PRKCH: variants seen among roughly 807,000 people sequenced by gnomAD.
The protein encoded by PRKCH is protein kinase C eta type.
Under a neutral mutation model 82.5 loss-of-function variants are expected in PRKCH, and 28 were observed. The observed-to-expected ratio is 0.34, with a 90% CI of 0.25 to 0.47. The LOEUF (loss-of-function observed/expected upper bound fraction) is 0.47. Ranked by LOEUF, PRKCH falls within the 20% of genes least tolerant of loss-of-function variation. PRKCH has a pLI of 1.00. For missense variants in PRKCH, 705 were observed against 881.8 expected (o/e 0.80, Z 2.54); for synonymous variants, 322 against 327.4 (o/e 0.98, Z 0.18).
intron 10 of PRKCH, among the ~76,000 whole-genome samples, chr14:61,506,402 A>AG (rs1339557431): frequency 6.6e-6 from 1 of 152,082 alleles, no homozygotes; most frequent in South Asian, 2.1e-4. Context: ...GATTGAAGTC[A>AG]GGGGGGTGGG....
intron 1 of PRKCH, among the ~76,000 whole-genome samples, chr14:61,259,384 A>G (rs185075750): frequency 1.6e-3 from 249 of 152,280 alleles, no homozygotes; most frequent in Admixed American, 4.7e-3. Context: ...CTTCATTCAC[A>G]CTGACTGACT....
At chr14:61,437,594 TTC>T (rs1883737277) in intron 2 of PRKCH, among the ~76,000 whole-genome samples, 2 of 152,220 alleles carry the variant, frequency 1.3e-5, no homozygotes, top group Admixed American at 6.5e-5. Context: ...TCCTGTTAGT[TTC>T]TGTTTCCTCA....
chr14:61,437,439 T>A (rs927434275), intron 2 of PRKCH, among the ~76,000 whole-genome samples: 3 of 152,208 alleles, frequency 2.0e-5, no homozygotes, highest in Non-Finnish European at 4.4e-5. Context: ...CTCACAGTTG[T>A]TTTCTCCCAC....
intron 9 of PRKCH, among the ~76,000 whole-genome samples, chr14:61,462,604 T>C (rs534259714): frequency 6.6e-6 from 1 of 152,304 alleles, no homozygotes; most frequent in East Asian, 1.9e-4. Flanking sequence ...AAACTAACTA[T>C]AAAGAACAGA....
chr14:61,374,714 G>T (rs1274838589), intron 1 of PRKCH, among the ~76,000 whole-genome samples: 1 of 152,008 alleles, frequency 6.6e-6, no homozygotes, highest in Non-Finnish European at 1.5e-5. Flanking sequence ...CAGGTCTCAA[G>T]GCTGTACAGA....
intron 10 of PRKCH, among the ~76,000 whole-genome samples, chr14:61,493,245 C>T (rs1036539711): frequency 6.6e-6 from 1 of 152,232 alleles, no homozygotes; most frequent in Non-Finnish European, 1.5e-5. Flanking sequence ...CCAGCCCCGC[C>T]ATGGAAGCTC....
rs371704027 is a variant in PRKCH, at chr14:61,337,180, G to A, written c.363+14716G>A. On this transcript the variant is annotated intron_variant, in intron 1 of 13. Coordinates refer to ENST00000332981, the MANE Select transcript of PRKCH (RefSeq NM_006255.5). ...TTTTTTTGAGACAGGGTCTCACTGT[G>A]TCCCCCAGGCTGGAATGTAGTGGTG... is the stretch of plus-strand genomic sequence containing the variant. 5.2e-5 allele frequency among the ~76,000 whole-genome samples: 6 copies of A among 115,134 alleles called. No homozygotes were observed. The South Asian group carries it at 1.7e-3, about 32-fold the overall frequency. 75.5% of individuals were successfully genotyped at this position (115,134 alleles called of 152,430 possible). A position where few individuals can be genotyped will look rare whatever the true frequency, so the allele number is the denominator to read the frequency against.
chr14:61,457,263 C>T lies in PRKCH; in HGVS notation c.1048C>T (p.Leu350Phe). 1.2e-6 allele frequency: 2 copies of T among 1,614,176 alleles called. No homozygotes were observed. The highest frequency in any genetic ancestry group is 1.7e-6 in the Non-Finnish European group (2 of 1,180,042). The change falls in exon 8 of 14, where the codon CTT (leucine) becomes TTT (phenylalanine). Residue 350 changes from leucine (L) to phenylalanine (F), a missense_variant. By Grantham distance (22) the Leu-to-Phe change is conservative. Around this residue, in one of 5 missense-constraint regions of PRKCH, gnomAD observed 238 missense variants for 258.1 expected, o/e 0.92. Coordinates refer to ENST00000332981, the MANE Select transcript of PRKCH (RefSeq NM_006255.5). Reference protein sequence around the residue: ...NGIGVNSSNRLGIDNFEFIRV... With the variant: ...NGIGVNSSNRFGIDNFEFIRV... Reference sequence around the variant, plus strand: ...GATTGGGGTTAATTCTTCCAACCGACTTGGTATCGACAACTTTGAGTTCAT... The same window carrying T: ...GATTGGGGTTAATTCTTCCAACCGATTTGGTATCGACAACTTTGAGTTCAT...
At chr14:61,532,693 C>A (rs907454307) in intron 12 of PRKCH, among the ~76,000 whole-genome samples, 1 of 152,166 alleles carries the variant, frequency 6.6e-6, no homozygotes. Context: ...CAAGCTATAT[C>A]TTTTATGTAA....
intron 10 of PRKCH, among the ~76,000 whole-genome samples, chr14:61,502,245 G>A (rs1192989364): frequency 2.0e-5 from 3 of 151,764 alleles, no homozygotes; most frequent in Non-Finnish European, 1.5e-5. Flanking sequence ...TGTATTTTTA[G>A]TAGAGACGGG....
chr14:61,222,031 C>A (rs1325321819), intron 1 of PRKCH, among the ~76,000 whole-genome samples: 2 of 152,182 alleles, frequency 1.3e-5, no homozygotes, highest in Non-Finnish European at 1.5e-5. Flanking sequence ...GCCTGCAGTG[C>A]CCCCTCCCAC....
Position 61,430,782 on chromosome 14 carries a change from T to TCTTG in PRKCH, c.428-12326_428-12323dup, listed in dbSNP as rs545730484. Among the ~76,000 whole-genome samples the TCTTG allele has an allele frequency of 1.5e-3, 218 of 148,558 alleles. 1 individual carries two copies. The highest frequency in any genetic ancestry group is 4.9e-3 in the African/African-American group (199 of 40,348). ...TCCTTTTTTTTTTTTTGAGATGGAG[T>TCTTG]CTTGCTCTGTTGCCCAGGCTAGAAT... On this transcript the variant is annotated intron_variant, in intron 2 of 13. Coordinates refer to ENST00000332981, the MANE Select transcript of PRKCH (RefSeq NM_006255.5).
intron 2 of PRKCH, among the ~76,000 whole-genome samples, chr14:61,425,947 ACT>A (rs1027610140): frequency 3.3e-5 from 5 of 151,710 alleles, no homozygotes; most frequent in African/African-American, 9.7e-5. Context: ...TCTCCCACAC[ACT>A]CTCTGTCTCA....
intron 9 of PRKCH, among the ~76,000 whole-genome samples, chr14:61,467,959 C>T (rs1885332570): frequency 6.6e-6 from 1 of 152,216 alleles, no homozygotes; most frequent in Non-Finnish European, 1.5e-5. Flanking sequence ...CCAGATCACA[C>T]AGTAAGCCAG....
At position 61,229,797 on chromosome 14, in the gene PRKCH, CA is replaced by C. The variant is rs1388596475; in HGVS notation, c.-19+42130del. On this transcript the variant is annotated intron_variant, in intron 1 of 3. Coordinates refer to the PRKCH transcript ENST00000555185. Reference sequence around the variant, plus strand: ...TAGAAATGGGCTCTATTCCTTCTTCCAGGGGGAGAACAGGTCTGCTTCTTTC... The same window carrying C: ...TAGAAATGGGCTCTATTCCTTCTTCCGGGGGAGAACAGGTCTGCTTCTTTC... Among the ~76,000 whole-genome samples the C allele has an allele frequency of 5.9e-5, 9 of 152,230 alleles. No individual in the cohort carries two copies. The East Asian group carries it at 1.7e-3, about 29-fold the overall frequency.
intron 1 of PRKCH, among the ~76,000 whole-genome samples, chr14:61,226,481 A>G (rs17098148): frequency 0.046 from 7,042 of 152,194 alleles, 307 homozygotes; most frequent in African/African-American, 0.11. Flanking sequence ...GAATGTGACA[A>G]CTTGATGTGG....
intron 7 of PRKCH, among the ~76,000 whole-genome samples, chr14:61,454,159 A>T (rs1463601267): frequency 2.0e-5 from 3 of 150,100 alleles, no homozygotes; most frequent in African/African-American, 7.4e-5. Flanking sequence ...CCCAGCCTGG[A>T]GTGCAGTGAT....
intron 12 of PRKCH, among the ~76,000 whole-genome samples, chr14:61,538,623 C>CA (rs1415057970): frequency 1.3e-5 from 2 of 152,202 alleles, no homozygotes; most frequent in African/African-American, 4.8e-5. Flanking sequence ...ATAAAGATGT[C>CA]AAAGCTTTTG....
chr14:61,440,585 A>G (rs1262393755), intron 2 of PRKCH, among the ~76,000 whole-genome samples: 4 of 152,184 alleles, frequency 2.6e-5, no homozygotes, highest in African/African-American at 7.2e-5. Context: ...CACAAAAATT[A>G]TTATTGAAAG....
Sources: gnomAD v4.1 joint callset for allele counts (sites outside exome capture counted in the v4.1 genomes callset) on GRCh38, gnomAD v4.1.1 for gene constraint, gnomAD v4.1.1 regional missense constraint, MANE v1.5 for transcripts, NCBI Gene and HGNC (gene_info 2026-07-23, HGNC 2026-07-21) for gene names.